The following CRISPLD2 variants were observed in gnomAD, a reference collection of about 807,000 sequenced individuals.
CRISPLD2 encodes the protein cysteine-rich secretory protein LCCL domain-containing 2.
In CRISPLD2, 47 loss-of-function variants were observed where a neutral mutation model predicts 71.1. That is an observed-to-expected ratio of 0.66 (90% confidence interval 0.52 to 0.84). CRISPLD2 has a LOEUF of 0.84. Among genes scored for constraint, CRISPLD2 ranks in the 40% least tolerant of loss-of-function variants. The pLI, the probability that CRISPLD2 is intolerant of heterozygous loss-of-function variation, is 0.00. For synonymous variants in CRISPLD2, 317 were observed against 250.1 expected, an observed-to-expected ratio of 1.27 and a Z score of -2.52; for missense variants, 830 against 651.1, an observed-to-expected ratio of 1.27 and a Z score of -2.99.
intron 14 of CRISPLD2, among the ~76,000 whole-genome samples, chr16:84,897,778 G>A (rs2071719222): frequency 1.3e-5 from 2 of 152,208 alleles, no homozygotes; most frequent in East Asian, 1.9e-4. Flanking sequence ...TGCCAGGCCC[G>A]GCTAATTTTT....
chr16:84,890,332 C>G lies in CRISPLD2; in HGVS notation c.1439+969C>G, dbSNP rs530806404. The stretch of plus-strand genomic sequence containing the variant: ...TGAGATCGCGCCACCGCACTCCAGC[C>G]TGGGCGACAGAGTGAGACTCCATCT... On this transcript the variant is annotated intron_variant, in intron 14 of 14. Coordinates refer to ENST00000262424, the MANE Select transcript of CRISPLD2 (RefSeq NM_031476.4). 7.0e-4 allele frequency among the ~76,000 whole-genome samples: 86 copies of G among 123,598 alleles called. 3 individuals are homozygous for G. In the East Asian group the frequency reaches 0.028, roughly 40 times the overall value. 81.1% of individuals were successfully genotyped at this position (123,598 alleles called of 152,430 possible).
At chr16:84,840,838 G>A (rs988134253) in intron 2 of CRISPLD2, among the ~76,000 whole-genome samples, 8 of 152,196 alleles carry the variant, frequency 5.3e-5, no homozygotes, top group African/African-American at 1.9e-4. Context: ...CACCGTGCCC[G>A]GCCTATACAT....
intron 10 of CRISPLD2, chr16:84,873,328 G>C (rs1444725015): frequency 7.1e-6 from 3 of 423,690 alleles, no homozygotes; most frequent in Admixed American, 4.4e-5. Context: ...AAATACAAAA[G>C]TTAGCCAGGC....
At chr16:84,850,536 C>T (rs372647970) in intron 4 of CRISPLD2, 32 bp from the exon 5 acceptor site, 22 of 1,584,574 alleles carry the variant, frequency 1.4e-5, no homozygotes, top group East Asian at 6.7e-5. Flanking sequence ...CCTTATCCCT[C>T]GAGCTGTGAC....
Position 84,869,076 on chromosome 16 carries a change from T to A in CRISPLD2, c.914+165T>A, listed in dbSNP as rs1049421586. On this transcript the variant is annotated intron_variant, in intron 8 of 14. Transcript: ENST00000262424. Reference sequence around the variant, plus strand: ...GTTAGGGCTGGGCAGTGTCTGGGCATGTGTTCGCCTCGGCCGTTGGCAGAT... The same window carrying A: ...GTTAGGGCTGGGCAGTGTCTGGGCAAGTGTTCGCCTCGGCCGTTGGCAGAT... Among the ~76,000 whole-genome samples, 5 of 152,200 alleles carry A rather than the reference T, an allele frequency of 3.3e-5. 1 individual carries two copies. Among genetic ancestry groups the A allele is most frequent in the Non-Finnish European group, 2.9e-5 (2 of 68,030 alleles).
At position 84,889,064 on chromosome 16, in the gene CRISPLD2, T is replaced by C. The variant is rs191742588; in HGVS notation, c.1306-166T>C. On this transcript the variant is annotated intron_variant, in intron 13 of 14. Transcript: ENST00000262424. ...ATGAATGCATGATGTCCAGTCTCTC[T>C]GGAGAGACCCCCAAGGCATCAAGGT... Among the ~76,000 whole-genome samples the C allele has an allele frequency of 2.0e-5, 3 of 152,338 alleles. No homozygotes were observed. In the East Asian group the frequency reaches 5.8e-4, roughly 29 times the overall value.
intron 8 of CRISPLD2, 64 bp downstream of exon 8, chr16:84,868,975 CT>C: frequency 7.1e-7 from 1 of 1,405,570 alleles, no homozygotes; most frequent in South Asian, 1.3e-5. Flanking sequence ...TGTCCTACCA[CT>C]GTGGCCTCTG....
At chr16:84,824,006 C>A (rs1190280935) in intron 1 of CRISPLD2, among the ~76,000 whole-genome samples, 1 of 152,194 alleles carries the variant, frequency 6.6e-6, no homozygotes, top group African/African-American at 2.4e-5. Flanking sequence ...AACTGGACCC[C>A]TCTAAGGACT....
At position 84,907,884 on chromosome 16, in the gene CRISPLD2, C is replaced by A. The variant is rs1422778423; in HGVS notation, c.*1242C>A. 1 of 152,202 alleles carries A rather than the reference C, an allele frequency of 6.6e-6. No homozygotes were observed. The highest frequency in any genetic ancestry group is 1.5e-5 in the Non-Finnish European group (1 of 68,038). The allele number at this position is 152,202 out of a possible 1,614,324, so 9.4% of individuals were successfully genotyped here. ...GTGTAGTACACCCTGGCTGCCATCA[C>A]TCTATAAAAGTGCTTCATGAGCCCA... On this transcript the variant is annotated 3_prime_UTR_variant, in exon 15 of 15. Coordinates refer to ENST00000262424, the MANE Select transcript of CRISPLD2 (RefSeq NM_031476.4).
chr16:84,876,792 C>A (rs1275241188), intron 11 of CRISPLD2, among the ~76,000 whole-genome samples: 2 of 151,996 alleles, frequency 1.3e-5, no homozygotes, highest in Admixed American at 6.5e-5. Context: ...AACTCTGTCT[C>A]AAAGAAAAAA....
chr16:84,862,474 G>A (rs538678856), intron 6 of CRISPLD2, among the ~76,000 whole-genome samples: 3 of 152,078 alleles, frequency 2.0e-5, no homozygotes, highest in East Asian at 3.9e-4. Context: ...GATTACAGGC[G>A]TGCACCATCA....
intron 1 of CRISPLD2, among the ~76,000 whole-genome samples, chr16:84,821,697 C>T (rs1032368654): frequency 3.9e-5 from 6 of 152,170 alleles, no homozygotes; most frequent in Non-Finnish European, 7.3e-5. Flanking sequence ...ACAATGTACC[C>T]AGGGAGGAGA....
intron 13 of CRISPLD2, among the ~76,000 whole-genome samples, chr16:84,886,039 T>C (rs1309783885): frequency 2.6e-5 from 4 of 152,102 alleles, no homozygotes; most frequent in African/African-American, 9.7e-5. Flanking sequence ...CAGGCTCATC[T>C]TGATCCATGC....
At chr16:84,895,616 T>C (rs896271873) in intron 14 of CRISPLD2, among the ~76,000 whole-genome samples, 1 of 152,110 alleles carries the variant, frequency 6.6e-6, no homozygotes, top group African/African-American at 2.4e-5. Context: ...AGAATAATGA[T>C]ATATTTCATC....
chr16:84,854,874 G>T, intron 6 of CRISPLD2, 45 bp downstream of exon 6: 1 of 1,445,216 alleles, frequency 6.9e-7, no homozygotes, highest in African/African-American at 1.4e-5. Context: ...TTTGCCCTCA[G>T]TCTGAGTCAT....
chr16:84,850,361 T>C (rs1430178125), intron 4 of CRISPLD2, among the ~76,000 whole-genome samples: 3 of 152,140 alleles, frequency 2.0e-5, no homozygotes, highest in Non-Finnish European at 4.4e-5. Flanking sequence ...AATGCTGAGA[T>C]GACAGGCGTG....
intron 5 of CRISPLD2, among the ~76,000 whole-genome samples, chr16:84,850,944 A>T (rs1037612945): frequency 6.6e-6 from 1 of 151,858 alleles, no homozygotes; most frequent in South Asian, 2.1e-4. Flanking sequence ...CTCCCCAAGC[A>T]CAAGGAAGGA....
intron 2 of CRISPLD2, among the ~76,000 whole-genome samples, chr16:84,841,066 T>C (rs1916757813): frequency 6.6e-6 from 1 of 152,222 alleles, no homozygotes; most frequent in South Asian, 2.1e-4. Context: ...GCACCTTCGA[T>C]GTGCCAGGCA....
At chr16:84,834,572 T>A (rs145807200) in intron 1 of CRISPLD2, among the ~76,000 whole-genome samples, 148 of 152,332 alleles carry the variant, frequency 9.7e-4, no homozygotes, top group African/African-American at 3.4e-3. Context: ...CCTTCGTGTC[T>A]CCTCTTTACA....
Sources: allele counts gnomAD v4.1 joint callset (sites outside exome capture counted in the v4.1 genomes callset), GRCh38; gene constraint gnomAD v4.1.1; transcripts MANE v1.5; gene names NCBI Gene and HGNC (gene_info 2026-07-23, HGNC 2026-07-21).